Variants in RAB14 observed in about 807,000 individuals in gnomAD.
RAB14 encodes ras-related protein Rab-14.
In RAB14, 3 loss-of-function variants were observed where a neutral mutation model predicts 31.1. The ratio of observed to expected loss-of-function variants is 0.10; its 90% CI spans 0.04 to 0.25. RAB14 has a LOEUF of 0.25. Ranked by LOEUF, RAB14 falls within the 10% of genes least tolerant of loss-of-function variation. The probability of loss-of-function intolerance (pLI) is 1.00; values close to 1 mark genes in which losing one functional copy is unlikely to be tolerated. For synonymous variants in RAB14, 85 were observed against 84.9 expected, an observed-to-expected ratio of 1.00 and a Z score of 0.00; for missense variants, 111 against 260.1, an observed-to-expected ratio of 0.43 and a Z score of 3.94.
intron 3 of RAB14, among the ~76,000 whole-genome samples, chr9:121,191,549 A>G (rs2053686820): frequency 6.6e-6 from 1 of 152,158 alleles, no homozygotes; most frequent in South Asian, 2.1e-4. Flanking sequence ...TATATGTCTA[A>G]GCCAATTAAC....
chr9:121,186,727 A>G (rs2053661567), intron 5 of RAB14, among the ~76,000 whole-genome samples: 1 of 152,196 alleles, frequency 6.6e-6, no homozygotes, highest in Non-Finnish European at 1.5e-5. Flanking sequence ...CATTCATAAT[A>G]GTAATGACAA....
chr9:121,194,094 T>TCACA (rs56303323), intron 1 of RAB14, among the ~76,000 whole-genome samples: 3,129 of 138,986 alleles, frequency 0.023, 60 homozygotes, highest in Middle Eastern at 0.051. Flanking sequence ...AGATTATCAC[T>TCACA]CACACACACA....
chr9:121,193,935 A>T (rs1223686492), intron 1 of RAB14, among the ~76,000 whole-genome samples: 1 of 152,136 alleles, frequency 6.6e-6, no homozygotes, highest in Non-Finnish European at 1.5e-5. Context: ...TCTACTTTAA[A>T]TCAACAGTTA....
rs923675606 is a variant in RAB14 at position 121,179,195 on chromosome 9, A to G, written c.*2201T>C. The G allele has an allele frequency of 2.8e-4, 42 of 152,372 alleles. No homozygotes were observed. The highest frequency in any genetic ancestry group is 8.2e-4 in the African/African-American group (34 of 41,476). 9.4% of individuals were successfully genotyped at this position (152,372 alleles called of 1,614,324 possible). On this transcript the variant is annotated 3_prime_UTR_variant, in exon 8 of 8. Transcript: ENST00000373840. ...ACATACGTAGACCTCTCTTTATACA[A>G]TGAATATGGACAGTGCTGCAATAAA...
rs2053624410 is a variant in RAB14 at position 121,179,983 on chromosome 9, T to C, written c.*1413A>G. ...GAAATGAAGAACTTAATAAAACATG[T>C]TGTCCAAAAAAATAAGATTGTTTCT... is the stretch of plus-strand genomic sequence containing the variant. On this transcript the variant is annotated 3_prime_UTR_variant, in exon 8 of 8. Transcript: ENST00000373840. The C allele has an allele frequency of 6.6e-6, 1 of 152,568 alleles. No individual in the cohort carries two copies. Among genetic ancestry groups the C allele is most frequent in the African/African-American group, 2.4e-5 (1 of 41,430 alleles). 9.5% of individuals were successfully genotyped at this position (152,568 alleles called of 1,614,324 possible). A position where few individuals can be genotyped will look rare whatever the true frequency, so the allele number is the denominator to read the frequency against.
intron 4 of RAB14, 110 bp from the exon 5 acceptor site, chr9:121,187,129 T>C (rs1183695908): frequency 1.7e-6 from 1 of 599,762 alleles, no homozygotes; most frequent in African/African-American, 1.9e-5. Flanking sequence ...AATTTTGCTT[T>C]GACCAGTTAC....
At chr9:121,197,133 G>A (rs1330358343) in intron 1 of RAB14, among the ~76,000 whole-genome samples, 8 of 152,114 alleles carry the variant, frequency 5.3e-5, no homozygotes, top group South Asian at 4.1e-4. Context: ...AGAGAAAGAG[G>A]AAGGATATTA....
chr9:121,183,076 T>G (rs1376723004), intron 6 of RAB14, 116 bp from the exon 7 acceptor site: 3 of 1,019,218 alleles, frequency 2.9e-6, no homozygotes, highest in Non-Finnish European at 4.4e-6. Context: ...CCATAGTATT[T>G]TATGAAAAAG....
intron 3 of RAB14, among the ~76,000 whole-genome samples, chr9:121,191,545 T>C (rs1037227271): frequency 1.3e-5 from 2 of 152,126 alleles, no homozygotes; most frequent in Admixed American, 6.6e-5. Context: ...GTTATATATG[T>C]CTAAGCCAAT....
intron 4 of RAB14, among the ~76,000 whole-genome samples, chr9:121,188,819 T>C (rs1439372313): frequency 1.3e-5 from 2 of 152,072 alleles, no homozygotes; most frequent in Non-Finnish European, 2.9e-5. Context: ...ATAATGAACA[T>C]ATCATAAAGC....
At chr9:121,188,038 T>C (rs1357793953) in intron 4 of RAB14, among the ~76,000 whole-genome samples, 1 of 151,964 alleles carries the variant, frequency 6.6e-6, no homozygotes, top group Non-Finnish European at 1.5e-5. Flanking sequence ...AAGTATATAG[T>C]TCTTTCCCAA....
At chr9:121,190,118 GT>G (rs1272945748) in intron 4 of RAB14, among the ~76,000 whole-genome samples, 3 of 152,050 alleles carry the variant, frequency 2.0e-5, no homozygotes, top group South Asian at 4.1e-4. Flanking sequence ...CAAGCATAAA[GT>G]TTTTTATAAT....
rs778644411 is a variant in RAB14, at chr9:121,190,679, G to A, written c.159C>T (p.Ile53=). Residue 53 remains isoleucine, a synonymous_variant, in exon 4 of 8, where the codon ATC becomes ATT. Coordinates refer to ENST00000373840, the MANE Select transcript of RAB14 (RefSeq NM_016322.4). Reference sequence around the variant, plus strand: ...GTTTTATTTTTTGGCCACTAACTTCGATTATTCTTGTACCAAATTCAACAC... The same window carrying A: ...GTTTTATTTTTTGGCCACTAACTTCAATTATTCTTGTACCAAATTCAACAC... ...TIGVEFGTRI[I]EVSGQKIKLQ... is the part of the protein sequence containing the mutation. 2.9e-5 allele frequency: 47 copies of A among 1,612,878 alleles called. No homozygotes were observed. Among genetic ancestry groups the A allele is most frequent in the African/African-American group, 4.0e-5 (3 of 74,736 alleles).
At position 121,178,663 on chromosome 9, in the gene RAB14, C is replaced by T. The variant is rs1485151606; in HGVS notation, c.*2733G>A. 9.9e-5 allele frequency: 15 copies of T among 151,988 alleles called. No homozygotes were observed. Among genetic ancestry groups the T allele is most frequent in the South Asian group, 4.1e-4 (2 of 4,820 alleles). The allele number at this position is 151,988 out of a possible 1,614,324, so 9.4% of individuals were successfully genotyped here. A position where few individuals can be genotyped will look rare whatever the true frequency, so the allele number is the denominator to read the frequency against. ...ACACCTTTCCAAAGAAATTGTACTACCTCTATTAACGTGTAAACCACCAAC... is the reference window on the plus strand; with the variant it reads ...ACACCTTTCCAAAGAAATTGTACTATCTCTATTAACGTGTAAACCACCAAC... On this transcript the variant is annotated 3_prime_UTR_variant, in exon 8 of 8. Transcript: ENST00000373840.
intron 5 of RAB14, among the ~76,000 whole-genome samples, chr9:121,185,918 T>A (rs1159605576): frequency 6.6e-6 from 1 of 152,146 alleles, no homozygotes; most frequent in African/African-American, 2.4e-5. Flanking sequence ...AATGCGATAA[T>A]GGAAATGAAA....
At chr9:121,195,604 T>C (rs574530714) in intron 1 of RAB14, among the ~76,000 whole-genome samples, 3 of 152,312 alleles carry the variant, frequency 2.0e-5, no homozygotes, top group East Asian at 3.9e-4. Flanking sequence ...AACATTCATA[T>C]AGTAGAAACT....
chr9:121,183,287 C>T (rs1398230629), intron 6 of RAB14, 24 bp downstream of exon 6: 1 of 1,562,710 alleles, frequency 6.4e-7, no homozygotes, highest in Admixed American at 1.7e-5. Context: ...CCAATTGTGA[C>T]CATTAAGTCT....
intron 6 of RAB14, 58 bp downstream of exon 6, chr9:121,183,253 G>T: frequency 2.2e-6 from 3 of 1,368,526 alleles, no homozygotes; most frequent in Non-Finnish European, 3.1e-6. Context: ...AAACTGTCAA[G>T]CCCACCTTTC....
intron 1 of RAB14, among the ~76,000 whole-genome samples, chr9:121,193,722 G>C (rs971678288): frequency 6.6e-6 from 1 of 151,878 alleles, no homozygotes; most frequent in Non-Finnish European, 1.5e-5. Flanking sequence ...AATCCAATAA[G>C]TATTAATCTG....
Sources: gnomAD v4.1 joint callset for allele counts (sites outside exome capture counted in the v4.1 genomes callset) on GRCh38, gnomAD v4.1.1 for gene constraint, MANE v1.5 for transcripts, NCBI Gene and HGNC (gene_info 2026-07-23, HGNC 2026-07-21) for gene names.